The following FMR1NB variants were observed in gnomAD, a reference collection of about 807,000 sequenced individuals.
FMR1NB encodes the protein FMR1 neighbor protein.
Under a neutral mutation model 16.8 loss-of-function variants are expected in FMR1NB, and 10 were observed. That is an observed-to-expected ratio of 0.60 (90% CI 0.37 to 1.01). The LOEUF is 1.01. Among genes scored for constraint, FMR1NB ranks in the 50% least tolerant of loss-of-function variants. FMR1NB has a pLI of 0.01. For synonymous variants in FMR1NB, 83 were observed against 79.1 expected (o/e 1.05, Z -0.26); for missense variants, 205 against 204.8 (o/e 1.00, Z 0.00).
At chrX:148,017,172 C>T (rs782451988) in intron 4 of FMR1NB, among the ~76,000 whole-genome samples, 1 of 111,048 alleles carries the variant, frequency 9.0e-6, no homozygotes, top group East Asian at 2.9e-4. Context: ...TTTCCTTCAG[C>T]ACCTTATATA....
At chrX:148,011,864 A>G (rs1470598686) in intron 4 of FMR1NB, among the ~76,000 whole-genome samples, 2 of 111,728 alleles carry the variant, frequency 1.8e-5, no homozygotes, top group African/African-American at 6.5e-5. Flanking sequence ...CTTGAGTTCT[A>G]GTGTGATATG....
chrX:148,008,538 T>C, intron 3 of FMR1NB, 80 bp from the exon 4 acceptor site: 1 of 940,874 alleles, frequency 1.1e-6, no homozygotes, highest in Non-Finnish European at 1.5e-6. Flanking sequence ...ATAGTTTCTT[T>C]ATAAAGACTT....
chrX:147,985,937 A>G (rs1557187037), intron 1 of FMR1NB, among the ~76,000 whole-genome samples: 1 of 112,145 alleles, frequency 8.9e-6, no homozygotes, highest in East Asian at 2.8e-4. Context: ...TCCCACCAAC[A>G]GTGTAAAAGT....
intron 4 of FMR1NB, 59 bp downstream of exon 4, chrX:148,008,770 A>T (rs1401140236): frequency 1.0e-6 from 1 of 989,259 alleles, no homozygotes; most frequent in African/African-American, 1.9e-5. Context: ...ATTTGTGTAT[A>T]GACATATTTA....
intron 1 of FMR1NB, among the ~76,000 whole-genome samples, chrX:147,998,846 T>G (rs1557188414): frequency 8.9e-6 from 1 of 112,147 alleles, no homozygotes; most frequent in Non-Finnish European, 1.9e-5. Context: ...TCTTTCAGAG[T>G]ACGGAAGAAA....
chrX:147,992,125 C>T (rs1484643385), intron 1 of FMR1NB, among the ~76,000 whole-genome samples: 4 of 111,632 alleles, frequency 3.6e-5, no homozygotes, highest in African/African-American at 1.3e-4. Flanking sequence ...CCTTTCTACT[C>T]CACAAAGCTG....
At chrX:148,006,995 G>A (rs1444911101) in intron 3 of FMR1NB, among the ~76,000 whole-genome samples, 153 bp downstream of exon 3, 1 of 112,450 alleles carries the variant, frequency 8.9e-6, no homozygotes, top group African/African-American at 3.2e-5. Context: ...AGGTGGTCAT[G>A]ACTCTGGTCA....
chrX:148,014,969 C>T (rs2044642857), intron 4 of FMR1NB, among the ~76,000 whole-genome samples: 1 of 111,621 alleles, frequency 9.0e-6, no homozygotes, highest in African/African-American at 3.3e-5. Context: ...TTTTCTTTTC[C>T]TGGGAGAGTT....
At chrX:148,002,482 T>C (rs782438014) in intron 1 of FMR1NB, among the ~76,000 whole-genome samples, 6 of 111,884 alleles carry the variant, frequency 5.4e-5, no homozygotes, top group African/African-American at 1.9e-4. Flanking sequence ...TTTGCAAATA[T>C]ATAAATATAA....
At chrX:147,986,524 T>G in intron 1 of FMR1NB, among the ~76,000 whole-genome samples, 1 of 112,158 alleles carries the variant, frequency 8.9e-6, no homozygotes, top group African/African-American at 3.2e-5. Context: ...GTCCAGTTTC[T>G]GCTTCCTGCA....
intron 4 of FMR1NB, among the ~76,000 whole-genome samples, chrX:148,011,408 A>C (rs2044624129): frequency 8.9e-6 from 1 of 111,772 alleles, no homozygotes; most frequent in South Asian, 3.7e-4. Flanking sequence ...TTTTTCCACT[A>C]TTGACCATAT....
At chrX:148,004,176 T>A (rs2044584445) in intron 2 of FMR1NB, among the ~76,000 whole-genome samples, 1 of 111,966 alleles carries the variant, frequency 8.9e-6, no homozygotes, top group African/African-American at 3.2e-5. Context: ...ACTGCCATGG[T>A]CAAATTGAGT....
chrX:148,008,510 A>G, intron 3 of FMR1NB, 108 bp from the exon 4 acceptor site: 1 of 675,245 alleles, frequency 1.5e-6, no homozygotes, highest in Admixed American at 3.3e-5. Context: ...ATACCTCCTC[A>G]TTTCACTTTA....
At chrX:147,990,067 G>T (rs1442388169) in intron 1 of FMR1NB, among the ~76,000 whole-genome samples, 1 of 108,768 alleles carries the variant, frequency 9.2e-6, no homozygotes, top group East Asian at 2.9e-4. Context: ...AAAAGCTCCT[G>T]CAGCTAGCTC....
intron 4 of FMR1NB, among the ~76,000 whole-genome samples, chrX:148,023,776 C>T (rs1433378525): frequency 9.0e-6 from 1 of 111,362 alleles, no homozygotes; most frequent in African/African-American, 3.3e-5. Flanking sequence ...TTTCCATTTC[C>T]TCTGTGGGAT....
chrX:148,001,918 G>T (rs1157759219), intron 1 of FMR1NB, among the ~76,000 whole-genome samples: 1 of 110,711 alleles, frequency 9.0e-6, no homozygotes, highest in Non-Finnish European at 1.9e-5. Context: ...AGAAAAGGAT[G>T]GATTTAATAA....
At chrX:147,992,978 G>A (rs1193423445) in intron 1 of FMR1NB, among the ~76,000 whole-genome samples, 3 of 105,556 alleles carry the variant, frequency 2.8e-5, no homozygotes, top group East Asian at 3.0e-4. Flanking sequence ...GACAATGGGC[G>A]GCCAGGCAGA....
At chrX:147,991,417 A>G (rs1245214900) in intron 1 of FMR1NB, among the ~76,000 whole-genome samples, 2 of 109,018 alleles carry the variant, frequency 1.8e-5, no homozygotes, top group Admixed American at 9.8e-5. Context: ...CCTCTACCAA[A>G]ATCTTCTTTC....
intron 1 of FMR1NB, among the ~76,000 whole-genome samples, chrX:147,999,258 G>C (rs1318155366): frequency 8.9e-6 from 1 of 111,866 alleles, no homozygotes; most frequent in Non-Finnish European, 1.9e-5. Context: ...TTGGGCCTCA[G>C]TGTGCTACTG....
Sources: gnomAD v4.1 joint callset for allele counts (sites outside exome capture counted in the v4.1 genomes callset) on GRCh38, gnomAD v4.1.1 for gene constraint, MANE v1.5 for transcripts, NCBI Gene and HGNC (gene_info 2026-07-23, HGNC 2026-07-21) for gene names.